The following CADM1 variants were observed in gnomAD, a reference collection of about 807,000 sequenced individuals.
The protein encoded by CADM1 is TSLC-1.
A neutral mutation model predicts 53.1 loss-of-function variants in CADM1; 15 were observed. That is an observed-to-expected ratio of 0.28 (90% confidence interval 0.19 to 0.44). The LOEUF (loss-of-function observed/expected upper bound fraction) is 0.44. CADM1 is among the 20% of genes least tolerant of loss of function. The pLI, the probability that CADM1 is intolerant of heterozygous loss-of-function variation, is 1.00. For synonymous variants in CADM1, 281 were observed against 243.0 expected (o/e 1.16, Z -1.45); for missense variants, 434 against 611.3 (o/e 0.71, Z 3.06).
chr11:115,491,826 A>G (rs1949503859), intron 1 of CADM1, among the ~76,000 whole-genome samples: 1 of 152,314 alleles, frequency 6.6e-6, no homozygotes, highest in East Asian at 1.9e-4. Flanking sequence ...GCTGGAAACC[A>G]TCATTTGGAG....
At chr11:115,213,318 G>A (rs1319290298) in intron 7 of CADM1, among the ~76,000 whole-genome samples, 1 of 152,208 alleles carries the variant, frequency 6.6e-6, no homozygotes, top group African/African-American at 2.4e-5. Context: ...ATGTAGAAAA[G>A]CTGTTTGCTT....
At chr11:115,343,268 G>A (rs1945495040) in intron 1 of CADM1, among the ~76,000 whole-genome samples, 1 of 152,130 alleles carries the variant, frequency 6.6e-6, no homozygotes, top group African/African-American at 2.4e-5. Context: ...CAACTCTCAA[G>A]GCTATGATCT....
intron 1 of CADM1, among the ~76,000 whole-genome samples, chr11:115,464,017 A>C (rs536805742): frequency 1.3e-5 from 2 of 152,194 alleles, no homozygotes; most frequent in African/African-American, 4.8e-5. Context: ...CCTGAGATGA[A>C]ACATCTTCAA....
At chr11:115,189,453 T>C (rs1324316759) in intron 10 of CADM1, among the ~76,000 whole-genome samples, 1 of 152,196 alleles carries the variant, frequency 6.6e-6, no homozygotes, top group African/African-American at 2.4e-5. Flanking sequence ...TTGCCAGGGC[T>C]ACTGTATCAA....
At chr11:115,388,090 C>A (rs1946744425) in intron 1 of CADM1, among the ~76,000 whole-genome samples, 1 of 151,900 alleles carries the variant, frequency 6.6e-6, no homozygotes, top group African/African-American at 2.4e-5. Context: ...TCTAAAGGGG[C>A]CCCCACCAAT....
At position 115,336,410 on chromosome 11, in the gene CADM1, G is replaced by C. The variant is rs75009632; in HGVS notation, c.125-95990C>G. On this transcript the variant is annotated intron_variant, in intron 1 of 11. Coordinates refer to ENST00000331581, the MANE Select transcript of CADM1 (RefSeq NM_001301043.2). The stretch of plus-strand genomic sequence containing the variant: ...GCACTTTGCGAAACATGCTTCAGAG[G>C]TTATAAAAGACTTTCAATTTATGTC... Among the ~76,000 whole-genome samples, 1,412 of 152,200 alleles carry C rather than the reference G, an allele frequency of 9.3e-3. 77 individuals carry two copies. In the East Asian group the frequency reaches 0.15, roughly 16 times the overall value.
rs747352768 is a variant in CADM1, at chr11:115,209,591, ATGGTGGTGGTGGTGG to A, written c.1046_1060del (p.Thr349_Thr353del). 22 of 925,008 alleles carry A rather than the reference ATGGTGGTGGTGGTGG, an allele frequency of 2.4e-5. No homozygotes were observed. Among genetic ancestry groups the A allele is most frequent in the African/African-American group, 6.8e-5 (4 of 58,800 alleles). The allele number at this position is 925,008 out of a possible 1,614,324, so 57.3% of individuals were successfully genotyped here. A position where few individuals can be genotyped will look rare whatever the true frequency, so the allele number is the denominator to read the frequency against. Reference sequence around the variant, plus strand: ...TACCATACCTGTGATGATGGTAAGGATGGTGGTGGTGGTGGTGGTGGTGGTGGTGGTGGTTGTTGT... The same window carrying A: ...TACCATACCTGTGATGATGGTAAGGATGGTGGTGGTGGTGGTGGTTGTTGT... On this transcript the variant is annotated inframe_deletion, in exon 8 of 12. Coordinates refer to ENST00000331581, the MANE Select transcript of CADM1 (RefSeq NM_001301043.2).
chr11:115,238,454 C>A (rs554069528), intron 3 of CADM1, 46 bp downstream of exon 3: 2 of 1,594,194 alleles, frequency 1.3e-6, no homozygotes, highest in South Asian at 2.2e-5. Flanking sequence ...GTAAAAGGGC[C>A]ATCTCTATTC....
intron 1 of CADM1, among the ~76,000 whole-genome samples, chr11:115,466,690 T>C (rs879944622): frequency 6.6e-6 from 1 of 152,218 alleles, no homozygotes; most frequent in African/African-American, 2.4e-5. Flanking sequence ...CTCTTCAAAA[T>C]TCTTTCAATT....
At chr11:115,202,391 G>T (rs1157701390) in intron 8 of CADM1, among the ~76,000 whole-genome samples, 1 of 151,996 alleles carries the variant, frequency 6.6e-6, no homozygotes. Context: ...TGCCATAAAT[G>T]AAAATGAAAA....
chr11:115,358,544 G>T (rs1348381427), intron 1 of CADM1, among the ~76,000 whole-genome samples: 1 of 152,108 alleles, frequency 6.6e-6, no homozygotes. Flanking sequence ...CACCAAACCA[G>T]GTCCCTCCCA....
Position 115,169,518 on chromosome 11 carries a change from T to A in CADM1, c.*6956A>T. The A allele has an allele frequency of 2.2e-6, 1 of 449,588 alleles. No individual in the cohort carries two copies. The allele number at this position is 449,588 out of a possible 1,614,324, so 27.8% of individuals were successfully genotyped here. A position where few individuals can be genotyped will look rare whatever the true frequency, so the allele number is the denominator to read the frequency against. The stretch of plus-strand genomic sequence containing the variant: ...AGTAGGACATTTCAGTTGACAGTAA[T>A]GGCATTTTCCCTTCCTTGTCCAAAC... On this transcript the variant is annotated 3_prime_UTR_variant, in exon 12 of 12. Coordinates refer to ENST00000331581, the MANE Select transcript of CADM1 (RefSeq NM_001301043.2).
intron 1 of CADM1, chr11:115,445,635 G>A (rs1260255426): frequency 3.4e-6 from 1 of 295,066 alleles, no homozygotes; most frequent in Non-Finnish European, 6.8e-6. Flanking sequence ...CCTGAGGCCA[G>A]GAGTTTGAGA....
intron 1 of CADM1, among the ~76,000 whole-genome samples, chr11:115,370,697 TC>T (rs1302764045): frequency 6.6e-6 from 1 of 152,176 alleles, no homozygotes; most frequent in Admixed American, 6.5e-5. Flanking sequence ...CACTATGGTA[TC>T]TTAATATGGC....
At chr11:115,490,285 G>A (rs557560767) in intron 1 of CADM1, among the ~76,000 whole-genome samples, 14 of 152,160 alleles carry the variant, frequency 9.2e-5, no homozygotes, top group African/African-American at 3.1e-4. Context: ...TAACAAAGGA[G>A]GGAATTCTCT....
intron 9 of CADM1, among the ~76,000 whole-genome samples, chr11:115,194,977 T>C (rs1194400841): frequency 6.6e-6 from 1 of 152,212 alleles, no homozygotes; most frequent in Non-Finnish European, 1.5e-5. Flanking sequence ...CCATGTGGTA[T>C]CAGGATTTGG....
Position 115,209,591 on chromosome 11 carries a change from A to G in CADM1, c.1061T>C (p.Ile354Thr), listed in dbSNP as rs556081955. 7.6e-6 allele frequency: 7 copies of G among 924,888 alleles called. No individual in the cohort carries two copies. Among genetic ancestry groups the G allele is most frequent in the Admixed American group, 3.7e-5 (2 of 53,914 alleles). The allele number at this position is 924,888 out of a possible 1,614,324, so 57.3% of individuals were successfully genotyped here. Reference sequence around the variant, plus strand: ...TACCATACCTGTGATGATGGTAAGGATGGTGGTGGTGGTGGTGGTGGTGGT... The same window carrying G: ...TACCATACCTGTGATGATGGTAAGGGTGGTGGTGGTGGTGGTGGTGGTGGT... ...TTTTTTTTTTILTIITDTTAT... is the reference protein window; with the variant it reads ...TTTTTTTTTTTLTIITDTTAT... Residue 354 changes from isoleucine to threonine, a missense_variant, in exon 8 of 12, where the codon ATC becomes ACC. Physicochemically the swap from Ile to Thr is moderately conservative, Grantham distance 89 (BLOSUM62 -1). This residue lies in a region of CADM1 where 311 missense variants were observed against 435.1 expected (regional missense o/e 0.71). Transcript: ENST00000331581.
intron 1 of CADM1, among the ~76,000 whole-genome samples, chr11:115,370,925 C>T (rs143870629): frequency 1.3e-5 from 2 of 152,264 alleles, no homozygotes; most frequent in East Asian, 3.9e-4. Flanking sequence ...TTCCATTTCT[C>T]ACCAAAATGA....
chr11:115,434,230 A>G (rs1948126437), intron 1 of CADM1, among the ~76,000 whole-genome samples: 1 of 152,194 alleles, frequency 6.6e-6, no homozygotes, highest in South Asian at 2.1e-4. Context: ...TCCCAAAAGC[A>G]TATTCTGGCT....
Sources: allele counts gnomAD v4.1 joint callset (sites outside exome capture counted in the v4.1 genomes callset), GRCh38; gene constraint gnomAD v4.1.1; regional missense constraint gnomAD v4.1.1; transcripts MANE v1.5; gene names NCBI Gene and HGNC (gene_info 2026-07-23, HGNC 2026-07-21).